The following ACOT7 variants were observed in gnomAD, a reference collection of about 807,000 sequenced individuals.
ACOT7 encodes cytosolic acyl coenzyme A thioester hydrolase.
Under a neutral mutation model 40.2 loss-of-function variants are expected in ACOT7, and 12 were observed. That is an observed-to-expected ratio of 0.30 (90% CI 0.19 to 0.48). ACOT7 has a LOEUF of 0.48. ACOT7 is among the 20% of genes least tolerant of loss of function. ACOT7 has a pLI of 0.99. For missense variants in ACOT7, 395 were observed against 530.8 expected, an observed-to-expected ratio of 0.74 and a Z score of 2.51; for synonymous variants, 228 against 219.5, an observed-to-expected ratio of 1.04 and a Z score of -0.34.
chr1:6,356,950 C>T (rs933809796), intron 1 of ACOT7, among the ~76,000 whole-genome samples: 1 of 148,200 alleles, frequency 6.7e-6, no homozygotes, highest in Admixed American at 6.8e-5. Flanking sequence ...GACGACTACA[C>T]TTTTGTGGCT....
At chr1:6,357,100 G>A (rs924090435) in intron 1 of ACOT7, among the ~76,000 whole-genome samples, 2 of 151,818 alleles carry the variant, frequency 1.3e-5, no homozygotes, top group African/African-American at 4.8e-5. Context: ...AGCCAACCAT[G>A]GTGGCACATG....
chr1:6,331,431 C>T lies in ACOT7; in HGVS notation c.510+2046G>A, dbSNP rs1043773767. 7.2e-5 allele frequency among the ~76,000 whole-genome samples: 11 copies of T among 152,352 alleles called. No homozygotes were observed. The East Asian group carries it at 1.7e-3, about 24-fold the overall frequency. On this transcript the variant is annotated intron_variant, in intron 4 of 8. Coordinates refer to ENST00000361521, the MANE Select transcript of ACOT7 (RefSeq NM_007274.4). ...GCCTGGAGCCACCCGGCGCTGGAGA[C>T]GCCAGGAGGGATCCTCGCCTGGGGC...
intron 4 of ACOT7, among the ~76,000 whole-genome samples, chr1:6,328,546 G>C (rs1194334384): frequency 6.6e-6 from 1 of 152,126 alleles, no homozygotes; most frequent in African/African-American, 2.4e-5. Flanking sequence ...GCCAGGGGTG[G>C]TGGTGGGCAC....
intron 8 of ACOT7, among the ~76,000 whole-genome samples, chr1:6,276,040 C>T (rs892112379): frequency 6.6e-6 from 1 of 152,198 alleles, no homozygotes; most frequent in Non-Finnish European, 1.5e-5. Context: ...AGCCATGGAA[C>T]AGGCTACAGG....
Position 6,393,762 on chromosome 1 carries a change from A to C in ACOT7, c.-363T>G. The stretch of plus-strand genomic sequence containing the variant: ...CCTCACTCTCCGCGCGGCGGTAAAT[A>C]TTTGTGCTGGGCGTTCCCGGCCGCC... On this transcript the variant is annotated 5_prime_UTR_variant, in exon 1 of 9. Coordinates refer to ENST00000361521, the MANE Select transcript of ACOT7 (RefSeq NM_007274.4). 1 of 160,582 alleles carries C rather than the reference A, an allele frequency of 6.2e-6. No homozygotes were observed. 9.9% of individuals were successfully genotyped at this position (160,582 alleles called of 1,614,324 possible).
intron 6 of ACOT7, among the ~76,000 whole-genome samples, chr1:6,300,708 C>T (rs918135771): frequency 1.3e-5 from 2 of 150,404 alleles, no homozygotes; most frequent in Non-Finnish European, 3.0e-5. Flanking sequence ...CTCCCCTCTC[C>T]ACAAACACGG....
At chr1:6,283,212 G>A (rs917753553) in intron 7 of ACOT7, among the ~76,000 whole-genome samples, 3 of 152,206 alleles carry the variant, frequency 2.0e-5, no homozygotes, top group African/African-American at 7.2e-5. Context: ...TGCCCAGGCT[G>A]GAGGGCAGTG....
chr1:6,364,667 G>A (rs1054449912), intron 1 of ACOT7, among the ~76,000 whole-genome samples: 2 of 151,386 alleles, frequency 1.3e-5, no homozygotes, highest in African/African-American at 4.9e-5. Context: ...GGCCAACATG[G>A]TGAAACCTCA....
Position 6,311,473 on chromosome 1 carries a change from A to C in ACOT7, c.712+7019T>G, listed in dbSNP as rs1640329772. ...TGCCAGCCGGGTCAGTTCCCCCAACAAAACCGGTCCAGGGCAGGGCTGGAG... is the reference window on the plus strand; with the variant it reads ...TGCCAGCCGGGTCAGTTCCCCCAACCAAACCGGTCCAGGGCAGGGCTGGAG... On this transcript the variant is annotated intron_variant, in intron 6 of 8. Coordinates refer to ENST00000361521, the MANE Select transcript of ACOT7 (RefSeq NM_007274.4). The surrounding 1 kb of genome is among the most constrained non-coding windows in gnomAD (Gnocchi z 5.2). Among the ~76,000 whole-genome samples the C allele has an allele frequency of 6.6e-6, 1 of 152,162 alleles. No homozygotes were observed. The highest frequency in any genetic ancestry group is 6.5e-5 in the Admixed American group (1 of 15,280).
At position 6,306,943 on chromosome 1, in the gene ACOT7, G is replaced by A. The variant is rs930038275; in HGVS notation, c.712+11549C>T. 1.4e-4 allele frequency: 185 copies of A among 1,286,452 alleles called. No homozygotes were observed. The highest frequency in any genetic ancestry group is 2.3e-4 in the South Asian group (19 of 80,926). The allele number at this position is 1,286,452 out of a possible 1,614,324, so 79.7% of individuals were successfully genotyped here. The stretch of plus-strand genomic sequence containing the variant: ...CCAAGAAGACCAAGTGAACAAGAGC[G>A]TCTTGGTGGAGGCCTCACTTGCGTC... On this transcript the variant is annotated intron_variant, in intron 6 of 8. Coordinates refer to ENST00000361521, the MANE Select transcript of ACOT7 (RefSeq NM_007274.4). The surrounding 1 kb of genome is among the most constrained non-coding windows in gnomAD (Gnocchi z 4.3).
chr1:6,337,986 G>GT (rs1641151736), intron 3 of ACOT7, among the ~76,000 whole-genome samples: 1 of 130,338 alleles, frequency 7.7e-6, no homozygotes, highest in East Asian at 2.3e-4. Context: ...GGGCAACAGA[G>GT]TGAGACACCA....
intron 1 of ACOT7, chr1:6,385,869 C>T: frequency 1.4e-6 from 2 of 1,384,084 alleles, no homozygotes; most frequent in Non-Finnish European, 9.5e-7. Flanking sequence ...AACTGGATCA[C>T]AGGATGTTCT....
intron 1 of ACOT7, among the ~76,000 whole-genome samples, chr1:6,371,877 T>C (rs1221866691): frequency 6.6e-6 from 1 of 151,792 alleles, no homozygotes; most frequent in Non-Finnish European, 1.5e-5. Context: ...AAATCCTGTC[T>C]CTTCTAAAAA....
intron 3 of ACOT7, among the ~76,000 whole-genome samples, chr1:6,339,182 C>T (rs1021157442): frequency 6.6e-6 from 1 of 152,178 alleles, no homozygotes; most frequent in South Asian, 2.1e-4. Context: ...GTGCTCAGGC[C>T]GGACCCAGAC....
chr1:6,379,011 T>C (rs1642287328), intron 1 of ACOT7, among the ~76,000 whole-genome samples: 1 of 151,798 alleles, frequency 6.6e-6, no homozygotes, highest in African/African-American at 2.4e-5. Context: ...TTCTCCTGCC[T>C]CAGCCTCCCA....
chr1:6,327,583 G>A (rs1022678946), intron 4 of ACOT7, among the ~76,000 whole-genome samples, 170 bp from the exon 5 acceptor site: 4 of 152,160 alleles, frequency 2.6e-5, no homozygotes, highest in African/African-American at 9.7e-5. Context: ...GAAATCCCAT[G>A]TGGCTCCACT....
Position 6,274,647 on chromosome 1 carries a change from C to T in ACOT7, c.1014+6455G>A, listed in dbSNP as rs567540950. ...GGGTCTGTGCTGAGGCCACGCCTCA[C>T]ATAAGGCCCCAGCAGAGGCAAAAGA... is the stretch of plus-strand genomic sequence containing the variant. On this transcript the variant is annotated intron_variant, in intron 8 of 8. Coordinates refer to ENST00000361521, the MANE Select transcript of ACOT7 (RefSeq NM_007274.4). The surrounding 1 kb of genome is among the most constrained non-coding windows in gnomAD (Gnocchi z 5.9). Among the ~76,000 whole-genome samples the T allele has an allele frequency of 6.6e-6, 1 of 152,318 alleles. No individual in the cohort carries two copies. Among genetic ancestry groups the T allele is most frequent in the African/African-American group, 2.4e-5 (1 of 41,576 alleles).
chr1:6,371,362 C>CTTT lies in ACOT7; in HGVS notation c.144-21499_144-21497dup, dbSNP rs377275678. On this transcript the variant is annotated intron_variant, in intron 1 of 8. Transcript: ENST00000361521. ...CCCCTAACAAGAGAGTCAGCCTGTC[C>CTTT]TTTTTTTTTTTTTTGAGACAGAATC... Among the ~76,000 whole-genome samples the CTTT allele has an allele frequency of 3.3e-3, 478 of 143,176 alleles. 1 individual carries two copies. The highest frequency in any genetic ancestry group is 5.5e-3 in the Non-Finnish European group (354 of 64,806). 93.9% of individuals were successfully genotyped at this position (143,176 alleles called of 152,430 possible). A position where few individuals can be genotyped will look rare whatever the true frequency, so the allele number is the denominator to read the frequency against.
intron 6 of ACOT7, among the ~76,000 whole-genome samples, chr1:6,313,577 T>TCACC (rs975115045): frequency 1.3e-5 from 2 of 152,158 alleles, no homozygotes; most frequent in Non-Finnish European, 2.9e-5. Flanking sequence ...CCAGCGGCAC[T>TCACC]CACCCACCCA....
Sources: allele counts gnomAD v4.1 joint callset (sites outside exome capture counted in the v4.1 genomes callset), GRCh38; gene constraint gnomAD v4.1.1; non-coding constraint Gnocchi (gnomAD v3.1); transcripts MANE v1.5; gene names NCBI Gene and HGNC (gene_info 2026-07-23, HGNC 2026-07-21).